The following FAT4 variants were observed in gnomAD, a reference collection of about 807,000 sequenced individuals.
FAT4 encodes the protein protocadherin Fat 4.
FAT4 carries 84 observed loss-of-function variants against 303.9 expected under a neutral mutation model. The ratio of observed to expected loss-of-function variants is 0.28; its 90% CI spans 0.23 to 0.33. The LOEUF (loss-of-function observed/expected upper bound fraction) is 0.33. FAT4 is among the 10% of genes least tolerant of loss of function. The probability of loss-of-function intolerance (pLI) is 1.00; values close to 1 mark genes in which losing one functional copy is unlikely to be tolerated. For synonymous variants in FAT4, 2,307 were observed against 2,298.8 expected (o/e 1.00, Z -0.10); for missense variants, 6,005 against 6,146.8 (o/e 0.98, Z 0.77).
intron 11 of FAT4, 65 bp from the exon 12 acceptor site, chr4:125,468,447 A>T: frequency 8.8e-7 from 1 of 1,134,858 alleles, no homozygotes; most frequent in African/African-American, 1.6e-5. Context: ...AAAATATTTT[A>T]ATCAAAATAT....
intron 10 of FAT4, among the ~76,000 whole-genome samples, chr4:125,462,493 T>G (rs1241961012): frequency 6.6e-6 from 1 of 151,928 alleles, no homozygotes; most frequent in Non-Finnish European, 1.5e-5. Flanking sequence ...AATTTGAAAA[T>G]TAGATCCTAA....
Position 125,491,486 on chromosome 4 carries a change from G to A in FAT4, c.14670G>A (p.Leu4890=), listed in dbSNP as rs1393875507. 12 of 1,614,180 alleles carry A rather than the reference G, an allele frequency of 7.4e-6. No homozygotes were observed. The highest frequency in any genetic ancestry group is 1.1e-5 in the South Asian group (1 of 91,076). ...ADDEDNYGAR[L]KPRRYHGRRA... is the part of the protein sequence containing the mutation. Reference sequence around the variant, plus strand: ...ATGAAGATAATTATGGAGCCAGACTGAAGCCTCGAAGGTACCACGGTCGCA... The same window carrying A: ...ATGAAGATAATTATGGAGCCAGACTAAAGCCTCGAAGGTACCACGGTCGCA... The change falls in exon 18 of 18, where the codon CTG becomes CTA. Residue 4890 remains leucine (L), a synonymous_variant. Coordinates refer to ENST00000394329, the MANE Select transcript of FAT4 (RefSeq NM_001291303.3).
intron 8 of FAT4, among the ~76,000 whole-genome samples, chr4:125,440,610 TGAGAGAGAGAGAGAGAGA>T (rs1553925990): frequency 2.6e-5 from 2 of 75,728 alleles, no homozygotes; most frequent in Admixed American, 3.4e-4. Flanking sequence ...TGTGTGTGTG[TGAGAGAGAGAGAGAGAGA>T]GAGAGAGAGA....
At chr4:125,405,641 G>A (rs1734569839) in intron 3 of FAT4, among the ~76,000 whole-genome samples, 1 of 151,884 alleles carries the variant, frequency 6.6e-6, no homozygotes, top group South Asian at 2.1e-4. Flanking sequence ...CTCCCGAGTA[G>A]CTGGGACTCC....
At chr4:125,463,462 G>T in intron 10 of FAT4, 101 bp from the exon 11 acceptor site, 6 of 532,818 alleles carry the variant, frequency 1.1e-5, no homozygotes, top group South Asian at 9.8e-5. Context: ...TCTTTTCTCC[G>T]TGATATGCCT....
chr4:125,393,872 A>G (rs1734066066), intron 2 of FAT4: 2 of 746,140 alleles, frequency 2.7e-6, no homozygotes, highest in Admixed American at 3.7e-5. Flanking sequence ...TTCATTTACC[A>G]GAGTTTTACT....
rs757125413 is a variant in FAT4 at position 125,408,519 on chromosome 4, A to G, written c.5645A>G (p.Glu1882Gly). Residue 1882 changes from glutamate (E) to glycine (G), a missense_variant, in exon 5 of 18, where the codon GAA becomes GGA. Transcript: ENST00000394329. ...GGAGAAATTACATATATTGTGAATG[A>G]AGATGATGAAGATGGCATCTTTTTC... ...VNGEITYIVNEDDEDGIFFLN... is the reference protein window; with the variant it reads ...VNGEITYIVNGDDEDGIFFLN... 6 of 1,613,346 alleles carry G rather than the reference A, an allele frequency of 3.7e-6. No individual in the cohort carries two copies. In the Admixed American group the frequency reaches 1.0e-4, roughly 27 times the overall value.
In FAT4 at chr4:125,492,006, T is replaced by C. The variant is rs545663222; in HGVS notation, c.*238T>C. On this transcript the variant is annotated 3_prime_UTR_variant, in exon 18 of 18. Transcript: ENST00000394329. ...GCATTGTGTTTTGTAACTAGTTATGTGGCATGCAGCATTTGGAAAATTTTT... is the reference window on the plus strand; with the variant it reads ...GCATTGTGTTTTGTAACTAGTTATGCGGCATGCAGCATTTGGAAAATTTTT... The C allele has an allele frequency of 8.5e-4, 401 of 470,500 alleles. 2 individuals carry two copies. The highest frequency in any genetic ancestry group is 7.0e-3 in the African/African-American group (356 of 51,160). The allele number at this position is 470,500 out of a possible 1,614,324, so 29.1% of individuals were successfully genotyped here.
intron 2 of FAT4, among the ~76,000 whole-genome samples, chr4:125,356,401 T>C (rs1182291130): frequency 1.3e-5 from 2 of 152,034 alleles, no homozygotes; most frequent in Non-Finnish European, 2.9e-5. Flanking sequence ...TGAACTAATA[T>C]GTAACAGATT....
Position 125,318,985 on chromosome 4 carries a change from G to A in FAT4, c.2574G>A (p.Glu858=), listed in dbSNP as rs371041455. The A allele has an allele frequency of 3.2e-5, 52 of 1,614,072 alleles. No homozygotes were observed. The East Asian group carries it at 1.0e-3, about 32-fold the overall frequency. Reference sequence around the variant, plus strand: ...CAGCAAATGTGATTGATAGAGAAGAGCAATCCTTTTATCAGCTGAAGGTAG... The same window carrying A: ...CAGCAAATGTGATTGATAGAGAAGAACAATCCTTTTATCAGCTGAAGGTAG... ...LTTANVIDRE[E]QSFYQLKVVA... Residue 858 remains glutamate, a synonymous_variant, in exon 2 of 18, where the codon GAG becomes GAA. Transcript: ENST00000394329.
Position 125,450,517 on chromosome 4 carries a change from A to C in FAT4, c.9507A>C (p.Ile3169=). 6.2e-7 allele frequency: 1 copy of C among 1,614,160 alleles called. No homozygotes were observed. The highest frequency in any genetic ancestry group is 1.1e-5 in the South Asian group (1 of 91,082). The change falls in exon 10 of 18, where the codon ATA becomes ATC. Residue 3169 remains isoleucine (I), a synonymous_variant. Transcript: ENST00000394329. ...CQKHEMTISA[I]DGGWVARTGY... is the part of the protein sequence containing the mutation. Reference sequence around the variant, plus strand: ...AACACGAAATGACGATTAGTGCTATAGATGGAGGATGGGTTGCAAGAACTG... The same window carrying C: ...AACACGAAATGACGATTAGTGCTATCGATGGAGGATGGGTTGCAAGAACTG...
chr4:125,459,080 A>T (rs1726393294), intron 10 of FAT4, among the ~76,000 whole-genome samples: 1 of 151,970 alleles, frequency 6.6e-6, no homozygotes, highest in Admixed American at 6.6e-5. Context: ...TTAGAGTTGC[A>T]CATATTCTCC....
At chr4:125,334,302 G>T (rs538794081) in intron 2 of FAT4, among the ~76,000 whole-genome samples, 1 of 151,938 alleles carries the variant, frequency 6.6e-6, no homozygotes, top group African/African-American at 2.4e-5. Context: ...TTTGGACCCC[G>T]ATTCTTGCTC....
intron 2 of FAT4, among the ~76,000 whole-genome samples, chr4:125,326,614 A>G (rs1013984650): frequency 6.6e-6 from 1 of 152,186 alleles, no homozygotes; most frequent in African/African-American, 2.4e-5. Flanking sequence ...ATGCATCCTC[A>G]TAACTACTCT....
At chr4:125,453,041 G>A in intron 10 of FAT4, among the ~76,000 whole-genome samples, 1 of 152,114 alleles carries the variant, frequency 6.6e-6, no homozygotes, top group East Asian at 1.9e-4. Flanking sequence ...AGTTTCTATA[G>A]GCAAGGAAGT....
chr4:125,382,045 T>C (rs1273479748), intron 2 of FAT4, among the ~76,000 whole-genome samples: 1 of 152,232 alleles, frequency 6.6e-6, no homozygotes, highest in Non-Finnish European at 1.5e-5. Flanking sequence ...TCTAGTTTTC[T>C]TGCTATGTCT....
intron 2 of FAT4, among the ~76,000 whole-genome samples, chr4:125,371,148 CAAAA>C (rs1197394937): frequency 1.0e-5 from 1 of 98,014 alleles, no homozygotes. Context: ...AACTCCATCT[CAAAA>C]AAAAAAAAAA....
At chr4:125,486,079 T>G (rs1727399762) in intron 16 of FAT4, among the ~76,000 whole-genome samples, 1 of 152,006 alleles carries the variant, frequency 6.6e-6, no homozygotes, top group South Asian at 2.1e-4. Context: ...CATCAAAAAT[T>G]TATTGAATAA....
chr4:125,393,899 A>T, intron 2 of FAT4: 1 of 778,116 alleles, frequency 1.3e-6, no homozygotes, highest in Non-Finnish European at 2.4e-6. Flanking sequence ...GGCTCAGGTG[A>T]CTCAGTCAAG....
Sources: allele counts gnomAD v4.1 joint callset (sites outside exome capture counted in the v4.1 genomes callset), GRCh38; gene constraint gnomAD v4.1.1; transcripts MANE v1.5; gene names NCBI Gene and HGNC (gene_info 2026-07-23, HGNC 2026-07-21).